MAST4: variants seen among roughly 807,000 people sequenced by gnomAD.
The protein encoded by MAST4 is microtubule-associated serine/threonine-protein kinase 4.
Under a neutral mutation model 162.7 loss-of-function variants are expected in MAST4, and 89 were observed. The observed-to-expected ratio is 0.55, with a 90% CI of 0.46 to 0.65. The LOEUF (loss-of-function observed/expected upper bound fraction) is 0.65, where lower values mean the gene tolerates loss of function less well. Among genes scored for constraint, MAST4 ranks in the 30% least tolerant of loss-of-function variants. The pLI is 0.00. For missense variants in MAST4, 3,153 were observed against 3,374.0 expected, an observed-to-expected ratio of 0.93 and a Z score of 1.62; for synonymous variants, 1,479 against 1,361.1, an observed-to-expected ratio of 1.09 and a Z score of -1.91.
chr5:66,856,706 G>A (rs907103964), intron 3 of MAST4, among the ~76,000 whole-genome samples: 5 of 152,186 alleles, frequency 3.3e-5, no homozygotes, highest in Non-Finnish European at 5.9e-5. Flanking sequence ...CAAATACTGT[G>A]CATTTGCACA....
Position 67,152,716 on chromosome 5 carries a change from C to T in MAST4, c.3375C>T (p.Ser1125=), listed in dbSNP as rs751300381. ...LSSDPSSSRD[S]SPSRDSSAAS... ...CGGACCCTTCTTCTTCACGAGATTC[C>T]TCTCCCAGCCGAGATTCCTCAGCAG... The change falls in exon 25 of 29, where the codon TCC becomes TCT. Residue 1125 remains serine (S), a synonymous_variant. Transcript: ENST00000403625. 1 of 1,614,076 alleles carries T rather than the reference C, an allele frequency of 6.2e-7. No homozygotes were observed. Among genetic ancestry groups the T allele is most frequent in the South Asian group, 1.1e-5 (1 of 91,092 alleles).
chr5:66,959,445 T>C (rs1362240994), intron 4 of MAST4, among the ~76,000 whole-genome samples: 5 of 152,212 alleles, frequency 3.3e-5, no homozygotes, highest in Non-Finnish European at 5.9e-5. Context: ...TGGCATTTGG[T>C]TTCAGCTAAT....
chr5:67,047,434 C>T (rs1212164830), intron 4 of MAST4, among the ~76,000 whole-genome samples: 1 of 152,020 alleles, frequency 6.6e-6, no homozygotes, highest in Non-Finnish European at 1.5e-5. Flanking sequence ...GCTGAATGCT[C>T]ACTTCCTTGC....
chr5:66,649,399 T>G (rs557279783), intron 1 of MAST4, among the ~76,000 whole-genome samples: 1 of 152,298 alleles, frequency 6.6e-6, no homozygotes, highest in East Asian at 1.9e-4. Flanking sequence ...GAGTCTTCTA[T>G]GAGTGGCCTC....
intron 2 of MAST4, among the ~76,000 whole-genome samples, chr5:66,762,539 C>T (rs949633010): frequency 6.6e-6 from 1 of 152,142 alleles, no homozygotes; most frequent in African/African-American, 2.4e-5. Context: ...GCACTGTGTT[C>T]ATGTCAGGCT....
chr5:66,648,067 TGTGTGTGTGTGTGTGTGAGA>T lies in MAST4; in HGVS notation c.363+51051_363+51070del, dbSNP rs1466777660. On this transcript the variant is annotated intron_variant, in intron 1 of 28. Coordinates refer to ENST00000403625, the MANE Select transcript of MAST4 (RefSeq NM_001164664.2). ...GTGTGTGTGTGTGTGTGTGTGTGTG[TGTGTGTGTGTGTGTGTGAGA>T]GAGAGAGAGAGAGAGAGATTTAGTA... is the stretch of plus-strand genomic sequence containing the variant. Among the ~76,000 whole-genome samples, 25 of 117,460 alleles carry T rather than the reference TGTGTGTGTGTGTGTGTGAGA, an allele frequency of 2.1e-4. No homozygotes were observed. The South Asian group carries it at 4.9e-3, about 23-fold the overall frequency. The allele number at this position is 117,460 out of a possible 152,430, so 77.1% of individuals were successfully genotyped here. A position where few individuals can be genotyped will look rare whatever the true frequency, so the allele number is the denominator to read the frequency against.
intron 1 of MAST4, among the ~76,000 whole-genome samples, chr5:66,599,167 A>G (rs1281486343): frequency 6.6e-6 from 1 of 152,200 alleles, no homozygotes; most frequent in Non-Finnish European, 1.5e-5. Context: ...CTTATGGAGT[A>G]GAGGAGTGAT....
chr5:67,161,774 CTTCT>C (rs2151116796), intron 27 of MAST4, among the ~76,000 whole-genome samples: 1 of 152,256 alleles, frequency 6.6e-6, no homozygotes, highest in South Asian at 2.1e-4. Flanking sequence ...CACATAAGAT[CTTCT>C]TTATTATTAT....
chr5:66,813,460 G>A (rs1006488917), intron 3 of MAST4, among the ~76,000 whole-genome samples: 1 of 152,184 alleles, frequency 6.6e-6, no homozygotes, highest in African/African-American at 2.4e-5. Flanking sequence ...TCATACAAGA[G>A]TGTAGTGGAA....
chr5:66,929,012 T>C (rs2150068781), intron 4 of MAST4, among the ~76,000 whole-genome samples: 1 of 152,236 alleles, frequency 6.6e-6, no homozygotes, highest in East Asian at 1.9e-4. Flanking sequence ...AGAGGATGGA[T>C]GGATGGATAA....
At chr5:66,660,435 C>CATTATCCACAGATGGGTATT (rs1746831296) in intron 1 of MAST4, among the ~76,000 whole-genome samples, 1 of 152,074 alleles carries the variant, frequency 6.6e-6, no homozygotes, top group Non-Finnish European at 1.5e-5. Flanking sequence ...CACTGCTATA[C>CATTATCCACAGATGGGTATT]ATTATCCACA....
chr5:66,822,780 T>G (rs551802136), intron 3 of MAST4, among the ~76,000 whole-genome samples: 10 of 152,196 alleles, frequency 6.6e-5, no homozygotes, highest in Non-Finnish European at 1.2e-4. Flanking sequence ...AGCTAAAGGA[T>G]CTGACACCTT....
At chr5:66,778,823 C>T (rs1468418055) in intron 2 of MAST4, among the ~76,000 whole-genome samples, 1 of 152,166 alleles carries the variant, frequency 6.6e-6, no homozygotes, top group Non-Finnish European at 1.5e-5. Flanking sequence ...GCTCCATAGC[C>T]TCATGGTTTG....
chr5:66,598,187 G>T (rs1415425213), intron 1 of MAST4, among the ~76,000 whole-genome samples: 1 of 152,184 alleles, frequency 6.6e-6, no homozygotes, highest in Non-Finnish European at 1.5e-5. Flanking sequence ...AGCCTTAGCT[G>T]CTTAGCTGGT....
At chr5:67,142,037 G>A (rs1170054575) in intron 19 of MAST4, 78 bp from the exon 20 acceptor site, 4 of 1,447,768 alleles carry the variant, frequency 2.8e-6, no homozygotes, top group Non-Finnish European at 3.8e-6. Flanking sequence ...CAAAATTGTT[G>A]TTAAAAACTG....
chr5:66,871,359 A>G (rs1007544817), intron 3 of MAST4, among the ~76,000 whole-genome samples: 2 of 152,190 alleles, frequency 1.3e-5, no homozygotes, highest in Non-Finnish European at 2.9e-5. Context: ...AGTAATGGCT[A>G]TTTTTAACAA....
At chr5:67,009,772 G>T (rs931480535) in intron 4 of MAST4, among the ~76,000 whole-genome samples, 1 of 152,166 alleles carries the variant, frequency 6.6e-6, no homozygotes, top group Non-Finnish European at 1.5e-5. Context: ...GACATGTCTA[G>T]CCACACTGGG....
chr5:66,830,523 C>T (rs978460606), intron 3 of MAST4, among the ~76,000 whole-genome samples: 3 of 152,056 alleles, frequency 2.0e-5, no homozygotes, highest in Non-Finnish European at 4.4e-5. Context: ...CTACACCTGC[C>T]GTCCTCTGTA....
intron 4 of MAST4, among the ~76,000 whole-genome samples, chr5:66,934,872 G>T (rs1328184622): frequency 1.3e-5 from 2 of 152,112 alleles, no homozygotes; most frequent in Non-Finnish European, 2.9e-5. Context: ...TGGTAACATG[G>T]TACTCTTTAC....
Sources: allele counts gnomAD v4.1 joint callset (sites outside exome capture counted in the v4.1 genomes callset), GRCh38; gene constraint gnomAD v4.1.1; transcripts MANE v1.5; gene names NCBI Gene and HGNC (gene_info 2026-07-23, HGNC 2026-07-21).